SLC9A3: variants seen among roughly 807,000 people sequenced by gnomAD.
SLC9A3 encodes solute carrier family 9 member A3, also known as sodium/hydrogen exchanger 3.
In SLC9A3, 37 loss-of-function variants were observed where a neutral mutation model predicts 86.8. That is an observed-to-expected ratio of 0.43 (90% confidence interval 0.33 to 0.56). The LOEUF is 0.56. SLC9A3 is among the 20% of genes least tolerant of loss of function. The probability of loss-of-function intolerance (pLI) is 0.06; values close to 1 mark genes in which losing one functional copy is unlikely to be tolerated. For missense variants in SLC9A3, 1,011 were observed against 1,171.9 expected, an observed-to-expected ratio of 0.86 and a Z score of 2.00; for synonymous variants, 581 against 528.3, an observed-to-expected ratio of 1.10 and a Z score of -1.37.
intron 1 of SLC9A3, among the ~76,000 whole-genome samples, chr5:513,381 G>A (rs1007864929): frequency 6.6e-5 from 10 of 152,152 alleles, no homozygotes; most frequent in South Asian, 2.1e-4. Flanking sequence ...GTGCCGGGAC[G>A]CAGGTGCTAG....
chr5:504,345 T>A (rs1051686995), intron 1 of SLC9A3, among the ~76,000 whole-genome samples: 3 of 152,074 alleles, frequency 2.0e-5, no homozygotes, highest in Admixed American at 1.3e-4. Context: ...CAGGCTCCCC[T>A]CTGTAAAGTG....
intron 11 of SLC9A3, 39 bp downstream of exon 11, chr5:477,293 G>T: frequency 7.0e-7 from 1 of 1,426,904 alleles, no homozygotes; most frequent in Non-Finnish European, 9.7e-7. Flanking sequence ...CCGAGGCTGG[G>T]CTCTTCCCCA....
chr5:479,581 G>A (rs531669538), intron 10 of SLC9A3: 73 of 463,142 alleles, frequency 1.6e-4, no homozygotes, highest in African/African-American at 1.3e-3. Context: ...AAGGGAGCTC[G>A]GGGTCCTAGG....
chr5:510,765 A>C (rs1033133001), intron 1 of SLC9A3, among the ~76,000 whole-genome samples: 1 of 152,134 alleles, frequency 6.6e-6, no homozygotes, highest in African/African-American at 2.4e-5. Context: ...AGGCGAGGGA[A>C]ATGGAGGTGG....
chr5:523,065 G>C (rs1413699258), intron 1 of SLC9A3, among the ~76,000 whole-genome samples: 6 of 152,228 alleles, frequency 3.9e-5, no homozygotes, highest in Non-Finnish European at 2.9e-5. Flanking sequence ...GGAGGAGGCG[G>C]GAGGGCTCAG....
intron 1 of SLC9A3, among the ~76,000 whole-genome samples, chr5:506,793 C>T (rs570544828): frequency 2.0e-5 from 3 of 152,040 alleles, no homozygotes; most frequent in South Asian, 4.2e-4. Flanking sequence ...GGGGGCCGGG[C>T]GCGGTGGCTC....
At chr5:481,728 C>G (rs1739178868) in intron 8 of SLC9A3, 93 bp from the exon 9 acceptor site, 2 of 1,086,462 alleles carry the variant, frequency 1.8e-6, no homozygotes, top group South Asian at 1.2e-5. Flanking sequence ...GAGGAACCCA[C>G]CAGCCCCCCT....
At chr5:477,042 A>G in intron 11 of SLC9A3, 1 of 507,964 alleles carries the variant, frequency 2.0e-6, no homozygotes, top group South Asian at 2.6e-5. Flanking sequence ...AGGAGCAGTA[A>G]GGGTGGCATG....
chr5:523,033 C>G lies in SLC9A3; in HGVS notation c.211+1079G>C, dbSNP rs187098688. 5.9e-5 allele frequency among the ~76,000 whole-genome samples: 9 copies of G among 152,172 alleles called. No individual in the cohort carries two copies. In the East Asian group the frequency reaches 1.7e-3, roughly 29 times the overall value. ...GGCGGGGAGCTGAAAGACACCAGGG[C>G]GAGGAGGAGGCTGCGGAGAAGGGAG... is the stretch of plus-strand genomic sequence containing the variant. On this transcript the variant is annotated intron_variant, in intron 1 of 16. Coordinates refer to ENST00000264938, the MANE Select transcript of SLC9A3 (RefSeq NM_004174.4).
In SLC9A3 at chr5:476,608, G is replaced by A. The variant is rs1738756570; in HGVS notation, c.1825C>T (p.Arg609Trp). 4 of 1,610,380 alleles carry A rather than the reference G, an allele frequency of 2.5e-6. No individual in the cohort carries two copies. The highest frequency in any genetic ancestry group is 2.2e-5 in the East Asian group (1 of 44,872). Residue 609 changes from arginine to tryptophan, a missense_variant, in exon 12 of 17, where the codon CGG becomes TGG. Coordinates refer to ENST00000264938, the MANE Select transcript of SLC9A3 (RefSeq NM_004174.4). ...QSLEQRRRSI[R>W]DAEDMVTHHT... Reference sequence around the variant, plus strand: ...TGCGTGACCATGTCCTCCGCGTCCCGGATGCTCCGCCGTCGCTGCTCCAGA... The same window carrying A: ...TGCGTGACCATGTCCTCCGCGTCCCAGATGCTCCGCCGTCGCTGCTCCAGA...
At chr5:483,850 C>T (rs1579781847) in intron 5 of SLC9A3, among the ~76,000 whole-genome samples, 1 of 152,262 alleles carries the variant, frequency 6.6e-6, no homozygotes, top group East Asian at 1.9e-4. Flanking sequence ...ATTCTTTGCC[C>T]CACACTGAAT....
Position 476,196 on chromosome 5 carries a change from C to G in SLC9A3, c.2067+6G>C. 1 of 1,613,612 alleles carries G rather than the reference C, an allele frequency of 6.2e-7. No homozygotes were observed. The highest frequency in any genetic ancestry group is 8.5e-7 in the Non-Finnish European group (1 of 1,179,864). ...CCCGCCAAGCCTCCTGGTGACCCAG[C>G]CTTACCCGCTTCTGGGCACGCTCCC... On this transcript the variant is annotated splice_donor_region_variant and intron_variant, in intron 13 of 16. Coordinates refer to ENST00000264938, the MANE Select transcript of SLC9A3 (RefSeq NM_004174.4).
chr5:484,522 G>A lies in SLC9A3; in HGVS notation c.930C>T (p.Leu310=), dbSNP rs757315323. Reference sequence around the variant, plus strand: ...TCGCGTGTGTGGGAGGGACTCACGCGAGGATGGCCGACAGCGACAGCATCT... The same window carrying A: ...TCGCGTGTGTGGGAGGGACTCACGCAAGGATGGCCGACAGCGACAGCATCT... ...TSEMLSLSAI[L]AITFCGICCQ... Residue 310 remains leucine, a splice_region_variant and synonymous_variant, in exon 5 of 17, where the codon CTC becomes CTT. Transcript: ENST00000264938. The A allele has an allele frequency of 5.0e-6, 8 of 1,612,958 alleles. No individual in the cohort carries two copies. The highest frequency in any genetic ancestry group is 3.3e-5 in the Admixed American group (2 of 59,998).
At chr5:493,130 G>A (rs931295855) in intron 1 of SLC9A3, among the ~76,000 whole-genome samples, 8 of 140,462 alleles carry the variant, frequency 5.7e-5, no homozygotes, top group Admixed American at 7.0e-5. Context: ...AAAAAAAAAA[G>A]GTGATGAGAA....
At chr5:524,090 C>G in intron 1 of SLC9A3, 22 bp downstream of exon 1, 1 of 1,458,764 alleles carries the variant, frequency 6.9e-7, no homozygotes, top group East Asian at 3.0e-5. Context: ...CGGGCAGATC[C>G]GGAGACCCCG....
At chr5:477,202 C>A in intron 11 of SLC9A3, 130 bp downstream of exon 11, 1 of 629,914 alleles carries the variant, frequency 1.6e-6, no homozygotes, top group Non-Finnish European at 2.8e-6. Flanking sequence ...AGACACCCAC[C>A]CCCTCTTTCT....
intron 1 of SLC9A3, among the ~76,000 whole-genome samples, chr5:522,531 G>A (rs555741569): frequency 5.3e-5 from 8 of 152,150 alleles, no homozygotes; most frequent in South Asian, 2.1e-4. Flanking sequence ...AGGCCGAGGC[G>A]GGTGGATCAC....
intron 11 of SLC9A3, 103 bp from the exon 12 acceptor site, chr5:476,775 G>C (rs1738770435): frequency 6.9e-7 from 1 of 1,439,038 alleles, no homozygotes; most frequent in Admixed American, 1.8e-5. Context: ...GCTGCCTCCT[G>C]CGTGCCCCTC....
intron 1 of SLC9A3, among the ~76,000 whole-genome samples, chr5:506,753 G>C (rs1206026480): frequency 1.3e-5 from 2 of 152,190 alleles, no homozygotes; most frequent in African/African-American, 4.8e-5. Context: ...GATAAAACGT[G>C]TTATTTATTA....
Sources: allele counts gnomAD v4.1 joint callset (sites outside exome capture counted in the v4.1 genomes callset), GRCh38; gene constraint gnomAD v4.1.1; transcripts MANE v1.5; gene names NCBI Gene and HGNC (gene_info 2026-07-23, HGNC 2026-07-21).